The following CPPED1 variants were observed in gnomAD, a reference collection of about 807,000 sequenced individuals.
CPPED1 encodes the protein calcineurin like phosphoesterase domain containing 1.
CPPED1 carries 28 observed loss-of-function variants against 28.0 expected under a neutral mutation model. The ratio of observed to expected loss-of-function variants is 1.00; its 90% confidence interval spans 0.74 to 1.37. The LOEUF is 1.37. Ranked by LOEUF, CPPED1 falls within the 40% of genes most tolerant of loss-of-function variation. CPPED1 has a pLI of 0.00. For missense variants in CPPED1, 504 were observed against 416.5 expected, an observed-to-expected ratio of 1.21 and a Z score of -1.83; for synonymous variants, 198 against 180.2, an observed-to-expected ratio of 1.10 and a Z score of -0.79.
At chr16:12,752,644 GTTTATATATTATATGATATATAATATATA>G (rs1397827813) in intron 2 of CPPED1, among the ~76,000 whole-genome samples, 1 of 146,562 alleles carries the variant, frequency 6.8e-6, no homozygotes, top group African/African-American at 2.5e-5. Context: ...TTATGTATAT[GTTTATATATTATATGATATATAATATATA>G]TTTATATATA....
chr16:12,764,875 G>A (rs1322615303), intron 2 of CPPED1, among the ~76,000 whole-genome samples: 1 of 152,162 alleles, frequency 6.6e-6, no homozygotes, highest in Non-Finnish European at 1.5e-5. Context: ...AAACACATAG[G>A]CAGATCCCCT....
chr16:12,714,005 G>A (rs2080093495), intron 2 of CPPED1, among the ~76,000 whole-genome samples: 2 of 151,956 alleles, frequency 1.3e-5, no homozygotes, highest in African/African-American at 4.8e-5. Flanking sequence ...CTCCACTCCA[G>A]GCATTTCATA....
chr16:12,688,917 C>T (rs909442670), intron 3 of CPPED1, among the ~76,000 whole-genome samples: 3 of 152,148 alleles, frequency 2.0e-5, no homozygotes, highest in Admixed American at 6.5e-5. Flanking sequence ...TCACATGTGG[C>T]CTTACTTACC....
chr16:12,799,758 A>C (rs933689317), intron 1 of CPPED1, among the ~76,000 whole-genome samples: 3 of 152,196 alleles, frequency 2.0e-5, no homozygotes, highest in Non-Finnish European at 2.9e-5. Context: ...TGAACCCACA[A>C]ACCTGGGGTT....
At chr16:12,707,178 T>G (rs2080055902) in intron 2 of CPPED1, among the ~76,000 whole-genome samples, 1 of 152,226 alleles carries the variant, frequency 6.6e-6, no homozygotes, top group Non-Finnish European at 1.5e-5. Context: ...GCGACCCTTG[T>G]GGTCCAAGGC....
chr16:12,698,342 C>T (rs755555472), intron 3 of CPPED1, among the ~76,000 whole-genome samples: 3 of 152,092 alleles, frequency 2.0e-5, no homozygotes, highest in African/African-American at 4.8e-5. Context: ...TGCAATACAG[C>T]GCAAAGGATG....
chr16:12,676,706 C>T (rs1242878079), intron 3 of CPPED1, among the ~76,000 whole-genome samples: 3 of 152,098 alleles, frequency 2.0e-5, no homozygotes, highest in East Asian at 1.9e-4. Flanking sequence ...TCTCCTAGTT[C>T]TCTGCTCATG....
intron 2 of CPPED1, among the ~76,000 whole-genome samples, chr16:12,726,623 G>A (rs900414487): frequency 7.9e-5 from 12 of 151,986 alleles, no homozygotes; most frequent in South Asian, 2.1e-4. Context: ...GATTACAGGC[G>A]TAAGCCACTG....
At position 12,729,338 on chromosome 16, in the gene CPPED1, AGACGTTTTTATTTGCCTG is replaced by A. The variant is rs572106783; in HGVS notation, c.290-24307_290-24290del. On this transcript the variant is annotated intron_variant, in intron 2 of 3. Coordinates refer to ENST00000381774, the MANE Select transcript of CPPED1 (RefSeq NM_018340.3). ...GGGGACATTACAAGGTTTAAGGTTA[AGACGTTTTTATTTGCCTG>A]GACTTGAAGAACGTGATCAGCTTAA... Among the ~76,000 whole-genome samples, 59 of 152,314 alleles carry A rather than the reference AGACGTTTTTATTTGCCTG, an allele frequency of 3.9e-4. 1 individual carries two copies. In the East Asian group the frequency reaches 0.011, roughly 28 times the overall value.
In CPPED1 at chr16:12,682,490, G is replaced by A. The variant is rs2079910403; in HGVS notation, c.716-17375C>T. Among the ~76,000 whole-genome samples the A allele has an allele frequency of 1.3e-5, 2 of 152,136 alleles. No individual in the cohort carries two copies. Among genetic ancestry groups the A allele is most frequent in the South Asian group, 2.1e-4 (1 of 4,826 alleles). On this transcript the variant is annotated intron_variant, in intron 3 of 3. Coordinates refer to ENST00000381774, the MANE Select transcript of CPPED1 (RefSeq NM_018340.3). The surrounding 1 kb of genome is among the most constrained non-coding windows in gnomAD (Gnocchi z 6.1). ...TTGTCAGAAAAGCAGTGGCAGCCTG[G>A]GGTGGGAGCTAGGGGTTGGGAGACT...
At chr16:12,734,069 T>G (rs940085210) in intron 2 of CPPED1, among the ~76,000 whole-genome samples, 3 of 120,672 alleles carry the variant, frequency 2.5e-5, no homozygotes, top group South Asian at 3.1e-4. Flanking sequence ...TTTTTTTTTT[T>G]TTTTTTTTTT....
At chr16:12,797,730 C>T in intron 1 of CPPED1, among the ~76,000 whole-genome samples, 1 of 151,966 alleles carries the variant, frequency 6.6e-6, no homozygotes, top group Non-Finnish European at 1.5e-5. Context: ...GCAAAAAATT[C>T]CGAACTTTTA....
intron 2 of CPPED1, among the ~76,000 whole-genome samples, chr16:12,767,741 T>G (rs1268096206): frequency 6.6e-6 from 1 of 152,164 alleles, no homozygotes. Context: ...GCGGATCATC[T>G]GAGGTCAGGA....
At chr16:12,740,372 G>A (rs988517121) in intron 2 of CPPED1, among the ~76,000 whole-genome samples, 1 of 151,418 alleles carries the variant, frequency 6.6e-6, no homozygotes, top group Non-Finnish European at 1.5e-5. Context: ...TTGAACCTGG[G>A]AGGCAGAGGT....
chr16:12,765,021 A>C (rs2080431129), intron 2 of CPPED1, among the ~76,000 whole-genome samples: 1 of 152,218 alleles, frequency 6.6e-6, no homozygotes, highest in African/African-American at 2.4e-5. Flanking sequence ...TGTCATATGA[A>C]CTATGTCCCC....
intron 2 of CPPED1, chr16:12,761,288 A>AG (rs1359461535): frequency 2.0e-5 from 3 of 151,600 alleles, no homozygotes; most frequent in African/African-American, 4.9e-5. Context: ...AAAAAAAAAA[A>AG]AAAAAGAAAA....
chr16:12,706,392 G>T (rs1212674525), intron 2 of CPPED1, among the ~76,000 whole-genome samples: 2 of 148,666 alleles, frequency 1.3e-5, no homozygotes, highest in African/African-American at 2.5e-5. Context: ...GCCACTGAAA[G>T]TAATGACAAA....
intron 2 of CPPED1, among the ~76,000 whole-genome samples, chr16:12,729,842 T>G (rs534138892): frequency 1.3e-5 from 2 of 152,184 alleles, no homozygotes; most frequent in African/African-American, 4.8e-5. Context: ...CATGGACAAG[T>G]AGCAATGGGC....
intron 3 of CPPED1, among the ~76,000 whole-genome samples, chr16:12,679,406 T>C (rs2079893837): frequency 6.6e-6 from 1 of 152,140 alleles, no homozygotes; most frequent in African/African-American, 2.4e-5. Flanking sequence ...TAAACCCAAA[T>C]GTTGTAAAAA....
Sources: gnomAD v4.1 joint callset for allele counts (sites outside exome capture counted in the v4.1 genomes callset) on GRCh38, gnomAD v4.1.1 for gene constraint, Gnocchi (gnomAD v3.1) non-coding constraint, MANE v1.5 for transcripts, NCBI Gene and HGNC (gene_info 2026-07-23, HGNC 2026-07-21) for gene names.